PTGES2: variants seen among roughly 807,000 people sequenced by gnomAD.
PTGES2 encodes prostaglandin E synthase 2.
In PTGES2, 35 loss-of-function variants were observed where a neutral mutation model predicts 44.5. The observed-to-expected ratio is 0.79, with a 90% CI of 0.60 to 1.04. The LOEUF is 1.04. Ranked by LOEUF, PTGES2 falls within the 50% of genes least tolerant of loss-of-function variation. The probability of loss-of-function intolerance (pLI) is 0.00; values close to 1 mark genes in which losing one functional copy is unlikely to be tolerated. For missense variants in PTGES2, 517 were observed against 521.4 expected, an observed-to-expected ratio of 0.99 and a Z score of 0.08; for synonymous variants, 221 against 227.5, an observed-to-expected ratio of 0.97 and a Z score of 0.26.
In PTGES2 at chr9:128,127,616, G is replaced by A. The variant is rs1041693036; in HGVS notation, c.102C>T (p.Ser34=). 68 of 1,268,960 alleles carry A rather than the reference G, an allele frequency of 5.4e-5. No homozygotes were observed. The highest frequency in any genetic ancestry group is 6.5e-5 in the Non-Finnish European group (66 of 1,008,580). The allele number at this position is 1,268,960 out of a possible 1,614,324, so 78.6% of individuals were successfully genotyped here. Residue 34 remains serine, a synonymous_variant, in exon 1 of 7, where the codon AGC becomes AGT. Coordinates refer to ENST00000338961, the MANE Select transcript of PTGES2 (RefSeq NM_025072.7). ...CCGCCGCCCCCGCGAAGCCAGCCCG[G>A]CTCTGCGTGGGTAGCAGCGGCTGGG... ...GRPQPLLPTQ[S]RAGFAGAAGG...
Position 128,123,184 on chromosome 9 carries a change from A to G in PTGES2, c.687-50T>C. 6.4e-7 allele frequency: 1 copy of G among 1,569,086 alleles called. No homozygotes were observed. The highest frequency in any genetic ancestry group is 8.7e-7 in the Non-Finnish European group (1 of 1,155,762). ...AAGCCAGGACCCGGGCTGTGTTGGG[A>G]GCAGGCTGCATTCTCTAGAACATAC... On this transcript the variant is annotated intron_variant, in intron 4 of 6. Transcript: ENST00000338961. The surrounding 1 kb of genome is among the most constrained non-coding windows in gnomAD (Gnocchi z 4.4).
Position 128,121,023 on chromosome 9 carries a change from T to G in PTGES2, c.*122A>C. On this transcript the variant is annotated 3_prime_UTR_variant, in exon 7 of 7. Coordinates refer to ENST00000338961, the MANE Select transcript of PTGES2 (RefSeq NM_025072.7). ...TTAGAAGCGAGAGGGCTGGTGGGGG[T>G]GCGTGGACAAGGGGCAGAATGATCC... is the stretch of plus-strand genomic sequence containing the variant. 2 of 1,253,400 alleles carry G rather than the reference T, an allele frequency of 1.6e-6. No homozygotes were observed. The highest frequency in any genetic ancestry group is 2.2e-6 in the Non-Finnish European group (2 of 907,562). The allele number at this position is 1,253,400 out of a possible 1,614,324, so 77.6% of individuals were successfully genotyped here. A position where few individuals can be genotyped will look rare whatever the true frequency, so the allele number is the denominator to read the frequency against.
At position 128,124,566 on chromosome 9, in the gene PTGES2, G is replaced by A; in HGVS notation, c.478-16C>T. ...TTAGTTGTTGCTGGAAGAGAAAAGG[G>A]TGGTTTAATCAGAGGTTGCAACCCA... On this transcript the variant is annotated splice_polypyrimidine_tract_variant and intron_variant, in intron 2 of 6. Coordinates refer to ENST00000338961, the MANE Select transcript of PTGES2 (RefSeq NM_025072.7). The A allele has an allele frequency of 1.2e-6, 2 of 1,612,580 alleles. No individual in the cohort carries two copies. Among genetic ancestry groups the A allele is most frequent in the South Asian group, 1.1e-5 (1 of 91,056 alleles).
chr9:128,123,858 A>G lies in PTGES2; in HGVS notation c.537-7T>C, dbSNP rs1194918948. On this transcript the variant is annotated splice_region_variant and splice_polypyrimidine_tract_variant and intron_variant, in intron 3 of 6. Coordinates refer to ENST00000338961, the MANE Select transcript of PTGES2 (RefSeq NM_025072.7). The surrounding 1 kb of genome is among the most constrained non-coding windows in gnomAD (Gnocchi z 4.4). ...GATCTCTTCCAGGGGCTGCCTTCGG[A>G]GAGAGCCACAATATCACCCCAACTC... is the stretch of plus-strand genomic sequence containing the variant. 1.2e-6 allele frequency: 2 copies of G among 1,611,738 alleles called. No homozygotes were observed. Among genetic ancestry groups the G allele is most frequent in the South Asian group, 2.2e-5 (2 of 91,028 alleles).
Position 128,123,708 on chromosome 9 carries a change from G to C in PTGES2, c.680C>G (p.Ala227Gly). 3.7e-6 allele frequency: 6 copies of C among 1,613,296 alleles called. No individual in the cohort carries two copies. Among genetic ancestry groups the C allele is most frequent in the Non-Finnish European group, 5.1e-6 (6 of 1,179,544 alleles). The change falls in exon 4 of 7, where the codon GCC (alanine) becomes GGC (glycine). Residue 227 changes from alanine to glycine, a missense_variant. Ala to Gly is a moderately conservative substitution (Grantham distance 60). Coordinates refer to ENST00000338961, the MANE Select transcript of PTGES2 (RefSeq NM_025072.7). This position sits in a 1 kb window ranked among gnomAD's most constrained non-coding sequence, Gnocchi z 4.4. The stretch of plus-strand genomic sequence containing the variant: ...CAGCCCCAGCCCCACTCACGTCCTG[G>C]CCTCCTTCCCACCATACACTTGCTG... ...EAQQVYGGKE[A>G]RTEEMKWRQW...
chr9:128,124,082 A>G (rs1278059546), intron 3 of PTGES2, among the ~76,000 whole-genome samples: 1 of 151,430 alleles, frequency 6.6e-6, no homozygotes, highest in African/African-American at 2.4e-5. Flanking sequence ...ACTCTGGAAA[A>G]TCATTTTTTT....
In PTGES2 at chr9:128,121,117, G is replaced by T; in HGVS notation, c.*28C>A. On this transcript the variant is annotated 3_prime_UTR_variant, in exon 7 of 7. Transcript: ENST00000338961. ...GCCCTGGCAGCTGGCGTCTTCCGCT[G>T]CCTTCCCTCTGCTCTGCGCGGGGAC... The T allele has an allele frequency of 6.4e-7, 1 of 1,566,350 alleles. No homozygotes were observed. The highest frequency in any genetic ancestry group is 8.6e-7 in the Non-Finnish European group (1 of 1,156,380).
upstream of PTGES2, chr9:128,127,831 G>C: frequency 9.8e-7 from 1 of 1,024,192 alleles, no homozygotes; most frequent in Non-Finnish European, 1.2e-6. Context: ...TGAGGGCGAC[G>C]CTAAGGGAAC....
chr9:128,123,838 C>CT lies in PTGES2; in HGVS notation c.549dup (p.Glu184ArgfsTer25). 1 of 1,613,894 alleles carries CT rather than the reference C, an allele frequency of 6.2e-7. No homozygotes were observed. The highest frequency in any genetic ancestry group is 8.5e-7 in the Non-Finnish European group (1 of 1,179,816). ...ATGGCTGGGTAGTAGGTGATGATCT[C>CT]TTCCAGGGGCTGCCTTCGGAGAGAG... On this transcript the variant is annotated frameshift_variant, in exon 4 of 7. Coordinates refer to ENST00000338961, the MANE Select transcript of PTGES2 (RefSeq NM_025072.7). LOFTEE classifies it high-confidence loss of function. The surrounding 1 kb of genome is among the most constrained non-coding windows in gnomAD (Gnocchi z 4.4).
chr9:128,124,591 AG>A (rs1223231461), intron 2 of PTGES2, 41 bp from the exon 3 acceptor site: 1 of 1,580,906 alleles, frequency 6.3e-7, no homozygotes, highest in Non-Finnish European at 8.7e-7. Flanking sequence ...GTTGCAACCC[AG>A]CCGCTGGGAG....
chr9:128,121,656 T>C (rs1170304370), intron 6 of PTGES2, among the ~76,000 whole-genome samples: 1 of 152,172 alleles, frequency 6.6e-6, no homozygotes, highest in African/African-American at 2.4e-5. Flanking sequence ...CTCACGCCTG[T>C]AGTCCCAGCA....
At chr9:128,127,346 G>T in intron 1 of PTGES2, 93 bp downstream of exon 1, 1 of 1,133,706 alleles carries the variant, frequency 8.8e-7, no homozygotes, top group Non-Finnish European at 1.1e-6. Context: ...AAGGTCACAA[G>T]CAGGCAGAGG....
Position 128,120,963 on chromosome 9 carries a change from C to T in PTGES2, c.*182G>A. 1 of 758,914 alleles carries T rather than the reference C, an allele frequency of 1.3e-6. No homozygotes were observed. The allele number at this position is 758,914 out of a possible 1,614,324, so 47.0% of individuals were successfully genotyped here. On this transcript the variant is annotated 3_prime_UTR_variant, in exon 7 of 7. Transcript: ENST00000338961. Reference sequence around the variant, plus strand: ...GGGCAGTGGCAGGGCTGGAACTCGTCCCTAACATCCCTGAGCCCCAGCAGG... The same window carrying T: ...GGGCAGTGGCAGGGCTGGAACTCGTTCCTAACATCCCTGAGCCCCAGCAGG...
rs1834401920 is a variant in PTGES2, at chr9:128,121,291, A to C, written c.1006-18T>G. 2 of 1,600,234 alleles carry C rather than the reference A, an allele frequency of 1.2e-6. No individual in the cohort carries two copies. The highest frequency in any genetic ancestry group is 1.3e-5 in the African/African-American group (1 of 74,730). On this transcript the variant is annotated intron_variant, in intron 6 of 6. Coordinates refer to ENST00000338961, the MANE Select transcript of PTGES2 (RefSeq NM_025072.7). ...TACACCGCCTGGGGCACGAACAGAA[A>C]CGTGTCACCATAGCTGGTTTGACAG...
intron 3 of PTGES2, among the ~76,000 whole-genome samples, chr9:128,124,122 A>G: frequency 6.6e-6 from 1 of 150,762 alleles, no homozygotes; most frequent in East Asian, 1.9e-4. Flanking sequence ...TCGCTCTGTC[A>G]CCCAGGCTGG....
chr9:128,122,575 C>A, intron 5 of PTGES2, 96 bp from the exon 6 acceptor site: 1 of 1,030,030 alleles, frequency 9.7e-7, no homozygotes, highest in Admixed American at 1.9e-5. Context: ...GGTGTGGAAG[C>A]CAGGACGGCA....
chr9:128,122,319 C>T lies in PTGES2; in HGVS notation c.1005+43G>A, dbSNP rs779670797. 4.6e-6 allele frequency: 7 copies of T among 1,521,882 alleles called. No individual in the cohort carries two copies. In the South Asian group the frequency reaches 5.6e-5, roughly 12 times the overall value. 94.3% of individuals were successfully genotyped at this position (1,521,882 alleles called of 1,614,324 possible). A position where few individuals can be genotyped will look rare whatever the true frequency, so the allele number is the denominator to read the frequency against. ...TTGCAAACCTCCCCCACTCTGAGGA[C>T]AGAACCCTCGGTCCAGGCACCACCT... On this transcript the variant is annotated intron_variant, in intron 6 of 6. Coordinates refer to ENST00000338961, the MANE Select transcript of PTGES2 (RefSeq NM_025072.7).
rs1440086145 is a variant in PTGES2 at position 128,127,638 on chromosome 9, TG to T, written c.79del (p.Gln27SerfsTer76). 2 of 1,269,704 alleles carry T rather than the reference TG, an allele frequency of 1.6e-6. No individual in the cohort carries two copies. The highest frequency in any genetic ancestry group is 2.7e-5 in the South Asian group (1 of 36,820). 78.7% of individuals were successfully genotyped at this position (1,269,704 alleles called of 1,614,324 possible). ...CCGGCTCTGCGTGGGTAGCAGCGGC[TG>T]GGGGCGGCCTCCCAGCCTCCAGGCC... ...ALAWRLGGRP[Q>X]PLLPTQSRAG... On this transcript the variant is annotated frameshift_variant, in exon 1 of 7. Transcript: ENST00000338961. LOFTEE classifies it high-confidence loss of function.
intron 2 of PTGES2, 89 bp from the exon 3 acceptor site, chr9:128,124,639 G>T: frequency 7.1e-7 from 1 of 1,408,372 alleles, no homozygotes; most frequent in Non-Finnish European, 9.9e-7. Flanking sequence ...TCTGGGCATT[G>T]TTTATCCATT....
Sources: gnomAD v4.1 joint callset for allele counts (sites outside exome capture counted in the v4.1 genomes callset) on GRCh38, gnomAD v4.1.1 for gene constraint, Gnocchi (gnomAD v3.1) non-coding constraint, MANE v1.5 for transcripts, NCBI Gene and HGNC (gene_info 2026-07-23, HGNC 2026-07-21) for gene names.